ZC3H12B: variants seen among roughly 807,000 people sequenced by gnomAD.
ZC3H12B encodes probable ribonuclease ZC3H12B.
A neutral mutation model predicts 43.9 loss-of-function variants in ZC3H12B; 7 were observed. The ratio of observed to expected loss-of-function variants is 0.16; its 90% CI spans 0.09 to 0.30. ZC3H12B has a LOEUF of 0.30. Among genes scored for constraint, ZC3H12B ranks in the 10% least tolerant of loss-of-function variants. The probability of loss-of-function intolerance (pLI) is 1.00; values close to 1 mark genes in which losing one functional copy is unlikely to be tolerated. For missense variants in ZC3H12B, 475 were observed against 670.2 expected (o/e 0.71, Z 3.22); for synonymous variants, 222 against 241.7 (o/e 0.92, Z 0.76).
the ZC3H12B span, among the ~76,000 whole-genome samples, chrX:65,140,856 A>G: frequency 9.0e-6 from 1 of 111,708 alleles, no homozygotes; most frequent in South Asian, 3.7e-4. Flanking sequence ...TTGTTGGTAC[A>G]TAGTTGTTCT....
At chrX:65,431,636 A>G (rs2097414) in intron 3 of ZC3H12B, among the ~76,000 whole-genome samples, 26,146 of 111,877 alleles carry the variant, frequency 0.23, 7,245 homozygotes, top group African/African-American at 0.8. Flanking sequence ...TCACACTTTG[A>G]TGAGCATTCA....
the ZC3H12B span, among the ~76,000 whole-genome samples, chrX:65,227,797 T>C: frequency 9.0e-6 from 1 of 111,213 alleles, no homozygotes; most frequent in African/African-American, 3.3e-5. Flanking sequence ...AATGGATAAA[T>C]TCCTCGACAC....
chrX:65,384,359 G>C (rs958333976), intron 2 of ZC3H12B, among the ~76,000 whole-genome samples: 1 of 110,494 alleles, frequency 9.1e-6, no homozygotes, highest in Non-Finnish European at 1.9e-5. Context: ...TCACACTCCG[G>C]GGACTGTTGT....
the ZC3H12B span, among the ~76,000 whole-genome samples, chrX:65,038,477 G>A: frequency 8.9e-6 from 1 of 111,897 alleles, no homozygotes; most frequent in East Asian, 2.8e-4. Flanking sequence ...CCAGTTAACA[G>A]ATAGCAAAAT....
the ZC3H12B span, among the ~76,000 whole-genome samples, chrX:65,132,384 G>T: frequency 9.0e-6 from 1 of 110,861 alleles, no homozygotes; most frequent in Non-Finnish European, 1.9e-5. Context: ...AGCCTGTTGT[G>T]GGATGGGATA....
the ZC3H12B span, among the ~76,000 whole-genome samples, chrX:65,073,669 G>C: frequency 8.9e-6 from 1 of 112,038 alleles, no homozygotes; most frequent in East Asian, 2.8e-4. Context: ...ACGCCAACTG[G>C]AGTGCTCCCT....
At chrX:65,093,830 A>G in the ZC3H12B span, among the ~76,000 whole-genome samples, 1 of 111,630 alleles carries the variant, frequency 9.0e-6, no homozygotes, top group East Asian at 2.8e-4. Flanking sequence ...TGCTTGAATG[A>G]GTTAATACTT....
chrX:65,144,424 GT>G, the ZC3H12B span, among the ~76,000 whole-genome samples: 1 of 111,744 alleles, frequency 8.9e-6, no homozygotes, highest in Non-Finnish European at 1.9e-5. Context: ...AAAGAACGAG[GT>G]TTTTGTTTTA....
the ZC3H12B span, among the ~76,000 whole-genome samples, chrX:65,152,661 A>C: frequency 5.4e-5 from 6 of 111,397 alleles, no homozygotes; most frequent in African/African-American, 1.6e-4. Context: ...CATACCGCTC[A>C]AGGTAATTTA....
At chrX:65,106,838 TTTAA>T in the ZC3H12B span, among the ~76,000 whole-genome samples, 2 of 111,873 alleles carry the variant, frequency 1.8e-5, no homozygotes, top group Non-Finnish European at 3.8e-5. Flanking sequence ...CATGTATTAA[TTTAA>T]TTCTCATAAC....
upstream of ZC3H12B, among the ~76,000 whole-genome samples, chrX:65,364,514 C>T (rs2066147626): frequency 9.1e-6 from 1 of 110,105 alleles, no homozygotes; most frequent in African/African-American, 3.4e-5. Context: ...GCTAAAAAAG[C>T]AGCTAGTGTT....
the ZC3H12B span, among the ~76,000 whole-genome samples, chrX:65,065,993 TC>T: frequency 9.2e-6 from 1 of 108,134 alleles, no homozygotes; most frequent in Non-Finnish European, 1.9e-5. Context: ...TTCAGCTCCA[TC>T]AGGTCATTTA....
At chrX:65,253,114 G>A in the ZC3H12B span, among the ~76,000 whole-genome samples, 2 of 112,130 alleles carry the variant, frequency 1.8e-5, no homozygotes, top group African/African-American at 3.2e-5. Context: ...ACTAAATGCA[G>A]CCAGGAGGAA....
chrX:65,416,455 A>T (rs1375738673), intron 3 of ZC3H12B, among the ~76,000 whole-genome samples: 1 of 110,838 alleles, frequency 9.0e-6, no homozygotes, highest in African/African-American at 3.3e-5. Flanking sequence ...TCCCCAGAAC[A>T]GTAGCATCAA....
intron 3 of ZC3H12B, among the ~76,000 whole-genome samples, chrX:65,437,827 C>A (rs1019615626): frequency 1.8e-5 from 2 of 112,150 alleles, no homozygotes; most frequent in Admixed American, 9.5e-5. Context: ...TTGCCCAGAC[C>A]AATGTCTTGG....
the ZC3H12B span, among the ~76,000 whole-genome samples, chrX:65,319,382 T>G: frequency 1.8e-5 from 2 of 111,650 alleles, no homozygotes; most frequent in Admixed American, 9.5e-5. Context: ...CAGCAAGAGA[T>G]TGACTTCTTG....
At chrX:65,481,546 C>T (rs1569422340) in intron 3 of ZC3H12B, among the ~76,000 whole-genome samples, 1 of 111,483 alleles carries the variant, frequency 9.0e-6, no homozygotes, top group Admixed American at 9.6e-5. Context: ...ACCATTCCTG[C>T]AGGGAGCCTT....
At chrX:65,406,822 G>A (rs1425665138) in intron 3 of ZC3H12B, among the ~76,000 whole-genome samples, 1 of 112,715 alleles carries the variant, frequency 8.9e-6, no homozygotes, top group African/African-American at 3.2e-5. Flanking sequence ...CCCTCGCACG[G>A]CCGGGCGGGA....
the ZC3H12B span, among the ~76,000 whole-genome samples, chrX:65,190,667 G>A: frequency 1.8e-5 from 2 of 110,038 alleles, no homozygotes; most frequent in African/African-American, 3.3e-5. Flanking sequence ...AGACTTTGCT[G>A]AAGTTGCTTA....
Sources: allele counts gnomAD v4.1 joint callset (sites outside exome capture counted in the v4.1 genomes callset), GRCh38; gene constraint gnomAD v4.1.1; transcripts MANE v1.5; gene names NCBI Gene and HGNC (gene_info 2026-07-23, HGNC 2026-07-21).